Variants in ADAM2 observed in about 807,000 individuals in gnomAD.
The protein encoded by ADAM2 is disintegrin and metalloproteinase domain-containing protein 2.
A neutral mutation model predicts 99.3 loss-of-function variants in ADAM2; 101 were observed. The observed-to-expected ratio is 1.02, with a 90% CI of 0.87 to 1.20. The LOEUF (loss-of-function observed/expected upper bound fraction) is 1.20, where lower values mean the gene tolerates loss of function less well. Among genes scored for constraint, ADAM2 ranks in the 50% most tolerant of loss-of-function variants. ADAM2 has a pLI of 0.00. For synonymous variants in ADAM2, 323 were observed against 287.6 expected (o/e 1.12, Z -1.25); for missense variants, 948 against 878.7 (o/e 1.08, Z -1.00).
rs140505157 is a variant in ADAM2, at chr8:39,799,104, C to G, written c.570+10306G>C. Among the ~76,000 whole-genome samples the G allele has an allele frequency of 8.5e-5, 13 of 152,100 alleles. 1 individual carries two copies. Among genetic ancestry groups the G allele is most frequent in the African/African-American group, 3.1e-4 (13 of 41,504 alleles). On this transcript the variant is annotated intron_variant, in intron 7 of 20. Coordinates refer to ENST00000265708, the MANE Select transcript of ADAM2 (RefSeq NM_001464.5). ...CAGCTTTTGAATTACTTTGCTCTTG[C>G]CTCTCTAGCTCTTTTAATTGTGATG...
chr8:39,771,949 G>A (rs940857909), intron 11 of ADAM2, among the ~76,000 whole-genome samples: 3 of 151,890 alleles, frequency 2.0e-5, no homozygotes, highest in African/African-American at 7.3e-5. Flanking sequence ...AAATACGGGA[G>A]GGATAGCATT....
intron 7 of ADAM2, among the ~76,000 whole-genome samples, chr8:39,803,587 C>G (rs1219229620): frequency 6.6e-6 from 1 of 152,156 alleles, no homozygotes; most frequent in Non-Finnish European, 1.5e-5. Context: ...GCCTGGAGCT[C>G]CTATTTTGAA....
intron 11 of ADAM2, among the ~76,000 whole-genome samples, chr8:39,771,945 G>A (rs1395409092): frequency 3.3e-5 from 5 of 151,858 alleles, no homozygotes; most frequent in Admixed American, 1.3e-4. Flanking sequence ...AGTCAAATAC[G>A]GGAGGGATAG....
At chr8:39,755,979 AATAG>A (rs1476460922) in intron 15 of ADAM2, 68 bp from the exon 16 acceptor site, 8 of 883,570 alleles carry the variant, frequency 9.1e-6, no homozygotes, top group African/African-American at 3.5e-5. Context: ...TAATTTTTAA[AATAG>A]ATAGATTTAA....
chr8:39,792,021 T>C (rs1323600171), intron 7 of ADAM2, among the ~76,000 whole-genome samples: 1 of 151,850 alleles, frequency 6.6e-6, no homozygotes, highest in Non-Finnish European at 1.5e-5. Flanking sequence ...CAAGAAAAAT[T>C]TCCATTCAGT....
At chr8:39,783,078 T>G (rs1361314703) in intron 10 of ADAM2, among the ~76,000 whole-genome samples, 1 of 152,140 alleles carries the variant, frequency 6.6e-6, no homozygotes, top group Non-Finnish European at 1.5e-5. Context: ...TTAATGTCAC[T>G]TAGCTCAAAA....
In ADAM2 at chr8:39,821,181, C is replaced by CA. The variant is rs546410627; in HGVS notation, c.345-12dup. ...AACTGTAGTACGCCCCTAAAAATTT[C>CA]AAAAAAAAATTAATAAGTAAAACAA... On this transcript the variant is annotated splice_polypyrimidine_tract_variant and intron_variant, in intron 5 of 20. Transcript: ENST00000265708. The CA allele has an allele frequency of 1.8e-4, 269 of 1,503,998 alleles. No homozygotes were observed. Among genetic ancestry groups the CA allele is most frequent in the Middle Eastern group, 3.6e-4 (2 of 5,484 alleles). The allele number at this position is 1,503,998 out of a possible 1,614,324, so 93.2% of individuals were successfully genotyped here. A position where few individuals can be genotyped will look rare whatever the true frequency, so the allele number is the denominator to read the frequency against.
chr8:39,760,537 C>A (rs1004213318), intron 15 of ADAM2, among the ~76,000 whole-genome samples: 1 of 151,900 alleles, frequency 6.6e-6, no homozygotes, highest in Non-Finnish European at 1.5e-5. Flanking sequence ...CTGGCTAACA[C>A]GGTGAAACCC....
intron 1 of ADAM2, 127 bp downstream of exon 1, chr8:39,838,004 G>A (rs1805908955): frequency 1.8e-5 from 18 of 1,018,406 alleles, no homozygotes; most frequent in Non-Finnish European, 2.5e-5. Flanking sequence ...TCGGGGATGA[G>A]CTTGGAATTG....
At chr8:39,781,481 T>A (rs1486991434) in intron 10 of ADAM2, among the ~76,000 whole-genome samples, 1 of 152,218 alleles carries the variant, frequency 6.6e-6, no homozygotes, top group African/African-American at 2.4e-5. Context: ...AATGGCACCA[T>A]TAAGTATTTA....
chr8:39,796,707 T>G (rs1803972162), intron 7 of ADAM2, among the ~76,000 whole-genome samples: 1 of 152,196 alleles, frequency 6.6e-6, no homozygotes, highest in Non-Finnish European at 1.5e-5. Context: ...GCATCTATTA[T>G]TTCCTGACTT....
rs767276210 is a variant in ADAM2 at position 39,809,444 on chromosome 8, T to C, written c.536A>G (p.Tyr179Cys). 8.6e-5 allele frequency: 122 copies of C among 1,420,918 alleles called. No individual in the cohort carries two copies. Among genetic ancestry groups the C allele is most frequent in the Admixed American group, 4.8e-4 (26 of 53,872 alleles). 88.0% of individuals were successfully genotyped at this position (1,420,918 alleles called of 1,614,324 possible). A position where few individuals can be genotyped will look rare whatever the true frequency, so the allele number is the denominator to read the frequency against. ...SVEPQQDFAK[Y>C]IEMHVIVEKQ... ...TTCAACTATAACATGCATTTCTATA[T>C]ACTTTGCAAAATCTTGCTGTGGCTG... Residue 179 changes from tyrosine to cysteine, a missense_variant, in exon 7 of 21, where the codon TAT becomes TGT. Physicochemically the swap from Tyr to Cys is radical, Grantham distance 194 (BLOSUM62 -2). Coordinates refer to ENST00000265708, the MANE Select transcript of ADAM2 (RefSeq NM_001464.5).
chr8:39,801,664 T>C (rs1247176273), intron 7 of ADAM2, among the ~76,000 whole-genome samples: 1 of 151,042 alleles, frequency 6.6e-6, no homozygotes, highest in African/African-American at 2.4e-5. Context: ...CCCCTCCCCC[T>C]GGGGGCTCAG....
At chr8:39,781,974 AC>A (rs1007317679) in intron 10 of ADAM2, among the ~76,000 whole-genome samples, 3 of 152,262 alleles carry the variant, frequency 2.0e-5, no homozygotes, top group African/African-American at 7.2e-5. Flanking sequence ...AGGAAAACTA[AC>A]CTTTTAAATA....
chr8:39,753,197 A>T (rs1563335074), intron 16 of ADAM2, among the ~76,000 whole-genome samples: 1 of 152,152 alleles, frequency 6.6e-6, no homozygotes, highest in Non-Finnish European at 1.5e-5. Flanking sequence ...CCAGGCTTAG[A>T]TGGTCTCAGA....
At chr8:39,831,723 A>G (rs1468319156) in intron 3 of ADAM2, among the ~76,000 whole-genome samples, 3 of 152,186 alleles carry the variant, frequency 2.0e-5, no homozygotes, top group African/African-American at 7.2e-5. Flanking sequence ...CATAAAGAGT[A>G]AAATGGAAAT....
At chr8:39,804,979 G>T (rs952667122) in intron 7 of ADAM2, among the ~76,000 whole-genome samples, 2 of 152,114 alleles carry the variant, frequency 1.3e-5, no homozygotes, top group Admixed American at 6.5e-5. Flanking sequence ...AAGCTGAGTA[G>T]CTTATTAAAA....
At chr8:39,837,674 C>T (rs529398667) in intron 1 of ADAM2, among the ~76,000 whole-genome samples, 2 of 152,078 alleles carry the variant, frequency 1.3e-5, no homozygotes, top group South Asian at 2.1e-4. Flanking sequence ...CATGAGCCAC[C>T]GTGCCCGGCC....
chr8:39,793,529 C>A (rs1296112039), intron 7 of ADAM2, among the ~76,000 whole-genome samples: 1 of 152,068 alleles, frequency 6.6e-6, no homozygotes, highest in Non-Finnish European at 1.5e-5. Context: ...CTTGTAACCA[C>A]TTGAGGCAAT....
Sources: gnomAD v4.1 joint callset for allele counts (sites outside exome capture counted in the v4.1 genomes callset) on GRCh38, gnomAD v4.1.1 for gene constraint, MANE v1.5 for transcripts, NCBI Gene and HGNC (gene_info 2026-07-23, HGNC 2026-07-21) for gene names.